The following TFG variants were observed in gnomAD, a reference collection of about 807,000 sequenced individuals.
The protein encoded by TFG is trafficking from ER to golgi regulator.
TFG carries 22 observed loss-of-function variants against 51.4 expected under a neutral mutation model. The ratio of observed to expected loss-of-function variants is 0.43; its 90% confidence interval spans 0.31 to 0.61. TFG has a LOEUF of 0.61. TFG is among the 20% of genes least tolerant of loss of function. The pLI is 0.12. For synonymous variants in TFG, 187 were observed against 165.6 expected (o/e 1.13, Z -0.99); for missense variants, 419 against 487.7 (o/e 0.86, Z 1.33).
chr3:100,748,794 C>G lies in TFG; in HGVS notation c.*263C>G. The G allele has an allele frequency of 2.7e-6, 1 of 374,262 alleles. No homozygotes were observed. Among genetic ancestry groups the G allele is most frequent in the Non-Finnish European group, 4.8e-6 (1 of 208,360 alleles). The allele number at this position is 374,262 out of a possible 1,614,324, so 23.2% of individuals were successfully genotyped here. ...TACATGTATAAAGTGATTGACTTGACTTTCTAGCTTCCCTTGTCCGGAGGA... is the reference window on the plus strand; with the variant it reads ...TACATGTATAAAGTGATTGACTTGAGTTTCTAGCTTCCCTTGTCCGGAGGA... On this transcript the variant is annotated 3_prime_UTR_variant, in exon 8 of 8. Transcript: ENST00000240851.
At chr3:100,711,217 C>T (rs1041063947) in intron 1 of TFG, 1 of 152,742 alleles carries the variant, frequency 6.5e-6, no homozygotes, top group African/African-American at 2.4e-5. Flanking sequence ...ATTCTCCTGC[C>T]TCAGTCTCCT....
chr3:100,726,377 T>C (rs1283999561), intron 3 of TFG, among the ~76,000 whole-genome samples: 2 of 152,008 alleles, frequency 1.3e-5, no homozygotes, highest in Non-Finnish European at 2.9e-5. Context: ...CCTCTTCTGG[T>C]TCACTGACTC....
chr3:100,746,278 G>T (rs866105298), intron 7 of TFG, among the ~76,000 whole-genome samples: 1 of 152,256 alleles, frequency 6.6e-6, no homozygotes, highest in Middle Eastern at 3.4e-3. Context: ...TATGTGTGGG[G>T]CCCCATTCCC....
intron 6 of TFG, among the ~76,000 whole-genome samples, chr3:100,737,890 TAAAA>T (rs917598384): frequency 6.6e-6 from 1 of 151,890 alleles, no homozygotes; most frequent in Non-Finnish European, 1.5e-5. Context: ...CCCTACAAAA[TAAAA>T]AAAGATTTAA....
chr3:100,723,605 A>G (rs774867242), intron 3 of TFG, among the ~76,000 whole-genome samples: 1 of 152,208 alleles, frequency 6.6e-6, no homozygotes, highest in Non-Finnish European at 1.5e-5. Context: ...ATAGACTTAT[A>G]TAAAAACTTG....
intron 2 of TFG, among the ~76,000 whole-genome samples, chr3:100,714,959 T>C (rs1299524011): frequency 6.6e-6 from 1 of 152,204 alleles, no homozygotes; most frequent in East Asian, 1.9e-4. Flanking sequence ...TTAATATCTC[T>C]GCTGAAATTT....
In TFG at chr3:100,748,381, A is replaced by G; in HGVS notation, c.1053A>G (p.Pro351=). 6.2e-7 allele frequency: 1 copy of G among 1,614,130 alleles called. No individual in the cohort carries two copies. Among genetic ancestry groups the G allele is most frequent in the East Asian group, 2.2e-5 (1 of 44,880 alleles). Residue 351 remains proline, a synonymous_variant, in exon 8 of 8, where the codon CCA becomes CCG. Coordinates refer to ENST00000240851, the MANE Select transcript of TFG (RefSeq NM_006070.6). The part of the protein sequence containing the change: ...VAPASQPGMA[P]SQPGAYQPRP... ...CTGCCTCTCAACCTGGAATGGCTCC[A>G]AGCCAACCTGGGGCCTATCAACCAA...
chr3:100,717,290 C>T (rs1169555687), intron 2 of TFG, among the ~76,000 whole-genome samples: 1 of 152,088 alleles, frequency 6.6e-6, no homozygotes, highest in Non-Finnish European at 1.5e-5. Flanking sequence ...GTTTTTGTGC[C>T]AGTCCATGCT....
rs1338973600 is a variant in TFG at position 100,748,870 on chromosome 3, T to TAA, written c.*340_*341dup. 7.5e-6 allele frequency: 2 copies of TAA among 266,472 alleles called. No homozygotes were observed. The highest frequency in any genetic ancestry group is 1.1e-4 in the East Asian group (2 of 17,604). 16.5% of individuals were successfully genotyped at this position (266,472 alleles called of 1,614,324 possible). Reference sequence around the variant, plus strand: ...GCCATCTTACTTGGCTTTTTACTATTAACATGATGTACTAAAGTAGAGCCC... The same window carrying TAA: ...GCCATCTTACTTGGCTTTTTACTATTAAAACATGATGTACTAAAGTAGAGCCC... On this transcript the variant is annotated 3_prime_UTR_variant, in exon 8 of 8. Transcript: ENST00000240851.
intron 5 of TFG, among the ~76,000 whole-genome samples, chr3:100,734,646 G>C (rs778999225): frequency 9.9e-5 from 15 of 152,148 alleles, no homozygotes; most frequent in Admixed American, 1.3e-4. Context: ...ACCTGGGAGA[G>C]AGTTTATCTG....
At chr3:100,746,499 T>C (rs1316990171) in intron 7 of TFG, among the ~76,000 whole-genome samples, 5 of 152,054 alleles carry the variant, frequency 3.3e-5, no homozygotes, top group African/African-American at 4.8e-5. Context: ...AGGCTAGATG[T>C]CCTATGTATT....
At chr3:100,726,707 ACTGC>A in intron 3 of TFG, among the ~76,000 whole-genome samples, 1 of 152,288 alleles carries the variant, frequency 6.6e-6, no homozygotes, top group Middle Eastern at 3.4e-3. Context: ...TTACTGACTT[ACTGC>A]AGCAAGGGAG....
At chr3:100,725,370 CAT>C (rs938060040) in intron 3 of TFG, among the ~76,000 whole-genome samples, 2 of 151,858 alleles carry the variant, frequency 1.3e-5, no homozygotes, top group Non-Finnish European at 1.5e-5. Context: ...TTGGATGAAA[CAT>C]AAAATTTTTT....
At position 100,713,823 on chromosome 3, in the gene TFG, A is replaced by T; in HGVS notation, c.138A>T (p.Gly46=). The change falls in exon 2 of 8, where the codon GGA becomes GGT. Residue 46 remains glycine, a synonymous_variant. Transcript: ENST00000240851. ...TAATGATGCAACGAGTTTTCAGAGGAAAACTTCTGAGTAATGATGAAGTAA... is the reference window on the plus strand; with the variant it reads ...TAATGATGCAACGAGTTTTCAGAGGTAAACTTCTGAGTAATGATGAAGTAA... ...LVLMMQRVFR[G]KLLSNDEVTI... The T allele has an allele frequency of 6.3e-7, 1 of 1,587,890 alleles. No homozygotes were observed. The highest frequency in any genetic ancestry group is 8.6e-7 in the Non-Finnish European group (1 of 1,162,084).
chr3:100,738,336 C>T (rs1413131970), intron 6 of TFG, among the ~76,000 whole-genome samples: 1 of 152,118 alleles, frequency 6.6e-6, no homozygotes, highest in East Asian at 1.9e-4. Context: ...AGTTTAATGC[C>T]TACATCAAGC....
intron 6 of TFG, among the ~76,000 whole-genome samples, chr3:100,737,320 G>A (rs1014384832): frequency 1.1e-4 from 16 of 152,306 alleles, no homozygotes; most frequent in African/African-American, 3.1e-4. Context: ...GTGAAAACTG[G>A]ACTGAACCCA....
chr3:100,741,649 G>T (rs2095121580), intron 6 of TFG, among the ~76,000 whole-genome samples: 1 of 152,116 alleles, frequency 6.6e-6, no homozygotes, highest in Non-Finnish European at 1.5e-5. Context: ...GCACAGTAAT[G>T]TCCTTGGCCT....
At chr3:100,726,148 C>A (rs2095075129) in intron 3 of TFG, among the ~76,000 whole-genome samples, 1 of 152,154 alleles carries the variant, frequency 6.6e-6, no homozygotes, top group Non-Finnish European at 1.5e-5. Context: ...GCCTGAGAGT[C>A]CCCTGGGAAG....
In TFG at chr3:100,720,009, C is replaced by T. The variant is rs2149066401; in HGVS notation, c.219C>T (p.Asp73=). ...TTATAACAATTTTTGATAGTTCTGA[C>T]CTTTCCTTTGCAATTCAGTGCAGTA... ...GDLITIFDSS[D]LSFAIQCSRI... The change falls in exon 3 of 8, where the codon GAC becomes GAT. Residue 73 remains aspartate (D), a synonymous_variant. Coordinates refer to ENST00000240851, the MANE Select transcript of TFG (RefSeq NM_006070.6). The T allele has an allele frequency of 1.3e-6, 2 of 1,578,454 alleles. No individual in the cohort carries two copies. The highest frequency in any genetic ancestry group is 1.7e-6 in the Non-Finnish European group (2 of 1,165,050).
Sources: allele counts gnomAD v4.1 joint callset (sites outside exome capture counted in the v4.1 genomes callset), GRCh38; gene constraint gnomAD v4.1.1; transcripts MANE v1.5; gene names NCBI Gene and HGNC (gene_info 2026-07-23, HGNC 2026-07-21).